TRAPPC8: variants seen among roughly 807,000 people sequenced by gnomAD.
TRAPPC8 encodes the protein general sporulation gene 1 homolog.
In TRAPPC8, 54 loss-of-function variants were observed where a neutral mutation model predicts 174.3. That is an observed-to-expected ratio of 0.31 (90% CI 0.25 to 0.39). The LOEUF (loss-of-function observed/expected upper bound fraction) is 0.39, where lower values mean the gene tolerates loss of function less well. Ranked by LOEUF, TRAPPC8 falls within the 10% of genes least tolerant of loss-of-function variation. The probability of loss-of-function intolerance (pLI) is 1.00; values close to 1 mark genes in which losing one functional copy is unlikely to be tolerated. For missense variants in TRAPPC8, 1,531 were observed against 1,699.1 expected (o/e 0.90, Z 1.74); for synonymous variants, 630 against 579.9 (o/e 1.09, Z -1.24).
At chr18:31,884,319 C>T (rs2035597756) in intron 12 of TRAPPC8, among the ~76,000 whole-genome samples, 1 of 152,140 alleles carries the variant, frequency 6.6e-6, no homozygotes, top group African/African-American at 2.4e-5. Flanking sequence ...TGTGGTCATC[C>T]CTCTTTATAC....
At chr18:31,852,874 C>A in intron 22 of TRAPPC8, 1 of 529,646 alleles carries the variant, frequency 1.9e-6, no homozygotes, top group Non-Finnish European at 3.4e-6. Flanking sequence ...CATGTGTGCA[C>A]ATGTATATAT....
At chr18:31,858,921 A>G (rs2034176854) in intron 19 of TRAPPC8, among the ~76,000 whole-genome samples, 1 of 152,158 alleles carries the variant, frequency 6.6e-6, no homozygotes, top group African/African-American at 2.4e-5. Flanking sequence ...CCTGGGCAAC[A>G]TGGTGAGACC....
rs1299983426 is a variant in TRAPPC8, at chr18:31,916,358, A to G, written c.531T>C (p.Ser177=). 1.2e-6 allele frequency: 2 copies of G among 1,613,820 alleles called. No individual in the cohort carries two copies. The highest frequency in any genetic ancestry group is 4.5e-5 in the East Asian group (2 of 44,852). ...SQEQHRIQHN[S]DYSYPKWFIP... is the part of the protein sequence containing the mutation. ...TAAACCACTTGGGGTAGGAATAATC[A>G]CTGTTGTGCTGAATTCGATGCTGTT... Residue 177 remains serine (S), a synonymous_variant, in exon 4 of 29, where the codon AGT becomes AGC. Coordinates refer to ENST00000283351, the MANE Select transcript of TRAPPC8 (RefSeq NM_014939.5).
chr18:31,879,793 T>C (rs2035328160), intron 12 of TRAPPC8, among the ~76,000 whole-genome samples: 1 of 151,680 alleles, frequency 6.6e-6, no homozygotes, highest in African/African-American at 2.4e-5. Context: ...ACATCACAAC[T>C]GATACCACAG....
intron 5 of TRAPPC8, among the ~76,000 whole-genome samples, chr18:31,911,803 A>T (rs2145504088): frequency 1.4e-5 from 2 of 143,226 alleles, no homozygotes; most frequent in East Asian, 2.2e-4. Flanking sequence ...GGCCGGCATG[A>T]TGGCTCACAC....
At chr18:31,924,377 C>CTAGG (rs1275738919) in intron 2 of TRAPPC8, among the ~76,000 whole-genome samples, 2 of 149,530 alleles carry the variant, frequency 1.3e-5, no homozygotes, top group East Asian at 4.0e-4. Flanking sequence ...ACTGCTTGAA[C>CTAGG]TAGGAGGCAG....
At position 31,943,069 on chromosome 18, in the gene TRAPPC8, C is replaced by A; in HGVS notation, c.-305G>T. 1 of 461,390 alleles carries A rather than the reference C, an allele frequency of 2.2e-6. No individual in the cohort carries two copies. Among genetic ancestry groups the A allele is most frequent in the South Asian group, 1.0e-4 (1 of 10,038 alleles). 28.6% of individuals were successfully genotyped at this position (461,390 alleles called of 1,614,324 possible). ...GTCCTTCGGACGGCAAAACCTTGGT[C>A]ACTGCCCGGCCGGAACCGCCATGTT... is the stretch of plus-strand genomic sequence containing the variant. On this transcript the variant is annotated 5_prime_UTR_variant, in exon 1 of 29. The change abolishes the stop of an existing upstream ORF in the 5' untranslated region. Transcript: ENST00000283351.
At position 31,908,982 on chromosome 18, in the gene TRAPPC8, G is replaced by A. The variant is rs774307486; in HGVS notation, c.894C>T (p.His298=). 1 of 1,610,966 alleles carries A rather than the reference G, an allele frequency of 6.2e-7. No homozygotes were observed. The highest frequency in any genetic ancestry group is 8.5e-7 in the Non-Finnish European group (1 of 1,178,420). Residue 298 remains histidine, a synonymous_variant, in exon 7 of 29, where the codon CAC becomes CAT. Transcript: ENST00000283351. ...KDGLPNNFRA[H]PLQLEQSSDP... The stretch of plus-strand genomic sequence containing the variant: ...CACTGGATTGCTCCAACTGAAGTGG[G>A]TGAGCTCTAAAGTTATTTGGTAAGC...
At chr18:31,902,721 C>G (rs2036486849) in intron 9 of TRAPPC8, among the ~76,000 whole-genome samples, 1 of 152,128 alleles carries the variant, frequency 6.6e-6, no homozygotes, top group Non-Finnish European at 1.5e-5. Flanking sequence ...TGGGGCTTTT[C>G]TCCTCTAACC....
In TRAPPC8 at chr18:31,897,885, C is replaced by T; in HGVS notation, c.1497G>A (p.Met499Ile). The T allele has an allele frequency of 6.2e-7, 1 of 1,610,212 alleles. No individual in the cohort carries two copies. The highest frequency in any genetic ancestry group is 8.5e-7 in the Non-Finnish European group (1 of 1,177,948). The change falls in exon 11 of 29, where the codon ATG (methionine) becomes ATA (isoleucine). Residue 499 changes from methionine to isoleucine, a missense_variant. Transcript: ENST00000283351. The part of the protein sequence containing the change: ...IQTYRDICKN[M>I]VLAERCVLLS... ...GCAACACACATCTTTCAGCCAACAC[C>T]ATATTCCTATAGAAAAAAGGACAAG... is the stretch of plus-strand genomic sequence containing the variant.
intron 12 of TRAPPC8, among the ~76,000 whole-genome samples, chr18:31,877,598 G>C (rs2035221173): frequency 9.1e-6 from 1 of 109,868 alleles, no homozygotes; most frequent in Non-Finnish European, 1.7e-5. Flanking sequence ...GGGCAACAGG[G>C]AGACTCCGTC....
intron 19 of TRAPPC8, among the ~76,000 whole-genome samples, chr18:31,863,295 C>T (rs1162605928): frequency 6.6e-6 from 1 of 152,112 alleles, no homozygotes; most frequent in Non-Finnish European, 1.5e-5. Flanking sequence ...TATAGTTTTG[C>T]TGAAGGTTAT....
At chr18:31,930,847 T>C (rs1019326267) in intron 2 of TRAPPC8, among the ~76,000 whole-genome samples, 1 of 152,040 alleles carries the variant, frequency 6.6e-6, no homozygotes, top group Admixed American at 6.6e-5. Flanking sequence ...GGGAACATAA[T>C]GAGACCCCCT....
chr18:31,895,838 TATTA>T (rs1205821292), intron 11 of TRAPPC8: 1 of 152,318 alleles, frequency 6.6e-6, no homozygotes, highest in East Asian at 1.9e-4. Flanking sequence ...TGTTCATATT[TATTA>T]GTCAGTGTCC....
chr18:31,858,979 G>A (rs1041926032), intron 19 of TRAPPC8, among the ~76,000 whole-genome samples: 4 of 152,124 alleles, frequency 2.6e-5, no homozygotes, highest in African/African-American at 9.7e-5. Context: ...TGTGGTTCCA[G>A]CTACTGGGGA....
Position 31,936,902 on chromosome 18 carries a change from TAAAAAAAAAA to T in TRAPPC8, c.158-5389_158-5380del, listed in dbSNP as rs376783471. 2.9e-3 allele frequency among the ~76,000 whole-genome samples: 266 copies of T among 92,524 alleles called. 3 individuals carry two copies. Among genetic ancestry groups the T allele is most frequent in the South Asian group, 6.6e-3 (14 of 2,122 alleles). 60.7% of individuals were successfully genotyped at this position (92,524 alleles called of 152,430 possible). ...GGGTGACAGAGCAAGACTCCGTCTT[TAAAAAAAAAA>T]AAAAAAAAAAAAAAAAGGAGCCAGG... On this transcript the variant is annotated intron_variant, in intron 1 of 28. Transcript: ENST00000283351.
intron 18 of TRAPPC8, among the ~76,000 whole-genome samples, 164 bp from the exon 19 acceptor site, chr18:31,864,945 T>C (rs1278370011): frequency 2.6e-5 from 4 of 152,100 alleles, no homozygotes; most frequent in African/African-American, 9.7e-5. Context: ...TTTCATTCCA[T>C]GTTTAACACC....
chr18:31,887,820 ATTCAACATAGTATTGGACG>A (rs2035789115), intron 12 of TRAPPC8, among the ~76,000 whole-genome samples: 1 of 152,066 alleles, frequency 6.6e-6, no homozygotes, highest in Non-Finnish European at 1.5e-5. Flanking sequence ...CACCACTGCT[ATTCAACATAGTATTGGACG>A]TTCTGGCCAG....
At position 31,834,114 on chromosome 18, in the gene TRAPPC8, T is replaced by C. The variant is rs528441024; in HGVS notation, c.3984-1941A>G. On this transcript the variant is annotated intron_variant, in intron 27 of 28. Coordinates refer to ENST00000283351, the MANE Select transcript of TRAPPC8 (RefSeq NM_014939.5). ...GTTGTTGTTGTTGTTGTTGTTGTTG[T>C]TTTTTATTCTTTGAGATGGAGTTTT... 2.7e-5 allele frequency among the ~76,000 whole-genome samples: 4 copies of C among 149,482 alleles called. 1 individual carries two copies. The highest frequency in any genetic ancestry group is 9.7e-5 in the African/African-American group (4 of 41,096).
Sources: allele counts gnomAD v4.1 joint callset (sites outside exome capture counted in the v4.1 genomes callset), GRCh38; gene constraint gnomAD v4.1.1; transcripts MANE v1.5; gene names NCBI Gene and HGNC (gene_info 2026-07-23, HGNC 2026-07-21).